The following CLASP1 variants were observed in gnomAD, a reference collection of about 807,000 sequenced individuals.
CLASP1 encodes the protein cytoplasmic linker associated protein 1, also known as CLIP-associating protein 1.
CLASP1 carries 38 observed loss-of-function variants against 192.3 expected under a neutral mutation model. That is an observed-to-expected ratio of 0.20 (90% CI 0.15 to 0.26). CLASP1 has a LOEUF of 0.26. CLASP1 is among the 10% of genes least tolerant of loss of function. The pLI, the probability that CLASP1 is intolerant of heterozygous loss-of-function variation, is 1.00. For missense variants in CLASP1, 1,433 were observed against 1,932.5 expected, an observed-to-expected ratio of 0.74 and a Z score of 4.85; for synonymous variants, 691 against 712.8, an observed-to-expected ratio of 0.97 and a Z score of 0.49.
chr2:121,356,412 G>A (rs1182308473), intron 37 of CLASP1, among the ~76,000 whole-genome samples: 1 of 152,196 alleles, frequency 6.6e-6, no homozygotes, highest in Non-Finnish European at 1.5e-5. Flanking sequence ...CCTGAACCTG[G>A]GACGAGAGTC....
At chr2:121,442,695 G>T (rs2083557277) in intron 19 of CLASP1, among the ~76,000 whole-genome samples, 1 of 151,998 alleles carries the variant, frequency 6.6e-6, no homozygotes. Context: ...GGTCAGGCTG[G>T]TCTCGAACTC....
At chr2:121,456,916 C>T (rs796197973) in intron 14 of CLASP1, among the ~76,000 whole-genome samples, 24 of 152,324 alleles carry the variant, frequency 1.6e-4, no homozygotes, top group African/African-American at 5.3e-4. Flanking sequence ...ACTGGAACAG[C>T]TTTAGTGGTA....
At chr2:121,535,925 G>A (rs1205869754) in intron 2 of CLASP1, among the ~76,000 whole-genome samples, 1 of 151,826 alleles carries the variant, frequency 6.6e-6, no homozygotes, top group Non-Finnish European at 1.5e-5. Flanking sequence ...GCCTCCCAGA[G>A]TGCTGGGATT....
intron 37 of CLASP1, among the ~76,000 whole-genome samples, chr2:121,353,668 G>C (rs2064899699): frequency 6.6e-6 from 1 of 152,212 alleles, no homozygotes; most frequent in South Asian, 2.1e-4. Flanking sequence ...AAAGTTCCTT[G>C]AAGGCAAGAT....
At chr2:121,606,257 G>C (rs1052148453) in intron 1 of CLASP1, 77 bp from the exon 2 acceptor site, 3 of 369,388 alleles carry the variant, frequency 8.1e-6, no homozygotes, top group Non-Finnish European at 1.4e-5. Context: ...TTAAATCAAA[G>C]ACAAAGCAAT....
chr2:121,415,209 G>A (rs1204098697), intron 23 of CLASP1, among the ~76,000 whole-genome samples: 1 of 152,204 alleles, frequency 6.6e-6, no homozygotes, highest in Admixed American at 6.5e-5. Context: ...GTAAATGCTC[G>A]TTGGATCACA....
In CLASP1 at chr2:121,560,269, G is replaced by C. The variant is rs1237867300; in HGVS notation, c.196-29944C>G. 3.3e-5 allele frequency among the ~76,000 whole-genome samples: 5 copies of C among 152,210 alleles called. No homozygotes were observed. In the East Asian group the frequency reaches 5.8e-4, roughly 18 times the overall value. ...TAACATGGGAAGATGTCTGTGTTATGAAGTTTTTAAAAACAGCAAGCTGCA... is the reference window on the plus strand; with the variant it reads ...TAACATGGGAAGATGTCTGTGTTATCAAGTTTTTAAAAACAGCAAGCTGCA... On this transcript the variant is annotated intron_variant, in intron 2 of 39. Coordinates refer to ENST00000263710, the Ensembl canonical transcript of CLASP1.
At chr2:121,450,824 G>T in intron 16 of CLASP1, 89 bp downstream of exon 16, 1 of 900,688 alleles carries the variant, frequency 1.1e-6, no homozygotes, top group Non-Finnish European at 1.7e-6. Flanking sequence ...ATATGTTCAA[G>T]TAACTTAAGT....
chr2:121,565,583 T>C (rs758303253), intron 2 of CLASP1, among the ~76,000 whole-genome samples: 7 of 152,252 alleles, frequency 4.6e-5, no homozygotes, highest in Non-Finnish European at 1.0e-4. Context: ...CTGAACTTGC[T>C]GTGACCTTCC....
chr2:121,492,307 A>C (rs2093346449), intron 8 of CLASP1, among the ~76,000 whole-genome samples: 1 of 146,876 alleles, frequency 6.8e-6, no homozygotes, highest in African/African-American at 2.5e-5. Context: ...TAGAATGGTG[A>C]GAACCCGGGA....
chr2:121,481,551 T>C (rs553988475), intron 8 of CLASP1, among the ~76,000 whole-genome samples: 3 of 152,356 alleles, frequency 2.0e-5, no homozygotes, highest in Non-Finnish European at 4.4e-5. Flanking sequence ...ATTAGGAATA[T>C]GCTTTCATCA....
At chr2:121,618,091 C>G (rs2066746125) in intron 1 of CLASP1, among the ~76,000 whole-genome samples, 1 of 152,228 alleles carries the variant, frequency 6.6e-6, no homozygotes. Flanking sequence ...TCACTGCATG[C>G]TGTTCTCTAC....
At chr2:121,502,962 G>A (rs550427079) in intron 8 of CLASP1, among the ~76,000 whole-genome samples, 26 of 152,260 alleles carry the variant, frequency 1.7e-4, no homozygotes, top group Admixed American at 4.6e-4. Context: ...AACAGGATTC[G>A]CTAATAAATT....
chr2:121,349,918 A>T (rs2064043651), intron 37 of CLASP1, among the ~76,000 whole-genome samples: 1 of 152,186 alleles, frequency 6.6e-6, no homozygotes, highest in Admixed American at 6.5e-5. Context: ...GCTAGTCCCA[A>T]ATGCTAAAAC....
At chr2:121,618,246 T>C (rs1455920176) in intron 1 of CLASP1, among the ~76,000 whole-genome samples, 1 of 152,222 alleles carries the variant, frequency 6.6e-6, no homozygotes, top group Non-Finnish European at 1.5e-5. Context: ...ACTCCAGAAA[T>C]ACTCGTCCAA....
intron 14 of CLASP1, among the ~76,000 whole-genome samples, chr2:121,452,780 G>C (rs940782611): frequency 6.6e-6 from 1 of 152,176 alleles, no homozygotes; most frequent in Non-Finnish European, 1.5e-5. Flanking sequence ...GACAGAGCGA[G>C]ACTCTGTCAA....
intron 1 of CLASP1, among the ~76,000 whole-genome samples, chr2:121,620,575 A>G (rs2067173092): frequency 6.6e-6 from 1 of 151,968 alleles, no homozygotes; most frequent in African/African-American, 2.4e-5. Flanking sequence ...GTCTCGATCT[A>G]TTGACTTAGT....
chr2:121,518,916 G>A (rs767736438), intron 6 of CLASP1, among the ~76,000 whole-genome samples: 18 of 152,138 alleles, frequency 1.2e-4, no homozygotes, highest in Non-Finnish European at 2.6e-4. Flanking sequence ...TATTACAGAA[G>A]TAGTCAATGC....
exon 10 of CLASP1, chr2:121,462,596 T>C (rs1482107864): frequency 2.5e-6 from 4 of 1,601,694 alleles, no homozygotes; most frequent in Non-Finnish European, 3.4e-6. Flanking sequence ...ACCAGCTCCT[T>C]CTTTTGCAGC....
Sources: gnomAD v4.1 joint callset for allele counts (sites outside exome capture counted in the v4.1 genomes callset) on GRCh38, gnomAD v4.1.1 for gene constraint, MANE v1.5 for transcripts, NCBI Gene and HGNC (gene_info 2026-07-23, HGNC 2026-07-21) for gene names.